Variants in CPLANE1 observed in about 807,000 individuals in gnomAD.
CPLANE1 encodes ciliogenesis and planar polarity effector complex subunit 1, also known as ciliogenesis and planar polarity effector 1.
CPLANE1 carries 263 observed loss-of-function variants against 362.5 expected under a neutral mutation model. The ratio of observed to expected loss-of-function variants is 0.73; its 90% CI spans 0.66 to 0.80. The LOEUF is 0.80. CPLANE1 is among the 30% of genes least tolerant of loss of function. CPLANE1 has a pLI of 0.00. For synonymous variants in CPLANE1, 1,212 were observed against 1,302.6 expected (o/e 0.93, Z 1.50); for missense variants, 3,461 against 3,793.4 (o/e 0.91, Z 2.30).
At chr5:37,101,945 T>C (rs1016923221), downstream of CPLANE1, among the ~76,000 whole-genome samples, 4 of 152,202 alleles carry the variant, frequency 2.6e-5, no homozygotes, top group African/African-American at 9.6e-5. Context: ...TCAGTGGTGA[T>C]ATCCCCCTTA....
chr5:37,211,010 TCAGA>T (rs1490237377), intron 16 of CPLANE1: 16 of 796,780 alleles, frequency 2.0e-5, no homozygotes, highest in African/African-American at 3.4e-5. Context: ...TGAAGCAAAC[TCAGA>T]CAGCCCTAGA....
chr5:37,192,143 A>T (rs1222684322), intron 21 of CPLANE1, among the ~76,000 whole-genome samples: 1 of 152,180 alleles, frequency 6.6e-6, no homozygotes, highest in Non-Finnish European at 1.5e-5. Flanking sequence ...AGATATGTTT[A>T]TATATACAAA....
Position 37,169,377 on chromosome 5 carries a change from G to C in CPLANE1, c.6647C>G (p.Ala2216Gly), listed in dbSNP as rs749403465. ...GCCATCACCAGGACTAAATGTTTTT[G>C]CATGTGGGATAAGTCTAGGTGCCTT... ...VQKAPRLIPH[A>G]KTFSPGDGFP... is the part of the protein sequence containing the mutation. The change falls in exon 34 of 53, where the codon GCA (alanine) becomes GGA (glycine). Residue 2216 changes from alanine (A) to glycine (G), a missense_variant. By Grantham distance (60) the Ala-to-Gly change is moderately conservative. Coordinates refer to ENST00000651892, the MANE Select transcript of CPLANE1 (RefSeq NM_001384732.1). The C allele has an allele frequency of 2.0e-5, 32 of 1,614,020 alleles. No homozygotes were observed. The highest frequency in any genetic ancestry group is 2.5e-5 in the Non-Finnish European group (30 of 1,180,014).
rs777937916 is a variant in CPLANE1 at position 37,107,611 on chromosome 5, C to T, written c.9747G>A (p.Leu3249=). The T allele has an allele frequency of 6.2e-6, 10 of 1,609,420 alleles. No individual in the cohort carries two copies. Among genetic ancestry groups the T allele is most frequent in the Non-Finnish European group, 8.5e-6 (10 of 1,178,482 alleles). The part of the protein sequence containing the change: ...EDQGLSVHWA[L]DL Reference sequence around the variant, plus strand: ...CAATGATATCCAGGTCTTACAGGTCCAGGGCCCAGTGGACAGACAGGCCCT... The same window carrying T: ...CAATGATATCCAGGTCTTACAGGTCTAGGGCCCAGTGGACAGACAGGCCCT... Residue 3249 remains leucine, a synonymous_variant, in exon 53 of 53, where the codon CTG becomes CTA. Coordinates refer to ENST00000651892, the MANE Select transcript of CPLANE1 (RefSeq NM_001384732.1).
chr5:37,118,311 T>TG (rs1273197893), intron 50 of CPLANE1, among the ~76,000 whole-genome samples: 1 of 146,450 alleles, frequency 6.8e-6, no homozygotes, highest in Non-Finnish European at 1.5e-5. Context: ...GAGGCTGAGG[T>TG]GGGAGATGGC....
At chr5:37,205,712 AAATG>A (rs1790521511) in intron 17 of CPLANE1, among the ~76,000 whole-genome samples, 1 of 152,130 alleles carries the variant, frequency 6.6e-6, no homozygotes, top group African/African-American at 2.4e-5. Flanking sequence ...TGTGCTAAAT[AAATG>A]GTTTTTGTTT....
intron 48 of CPLANE1, among the ~76,000 whole-genome samples, 176 bp from the exon 49 acceptor site, chr5:37,121,960 A>C (rs1579894151): frequency 6.6e-6 from 1 of 151,296 alleles, no homozygotes; most frequent in African/African-American, 2.4e-5. Context: ...GCTCACTGCA[A>C]CCTCCGCCTC....
Position 37,165,644 on chromosome 5 carries a change from C to T in CPLANE1, c.7428G>A (p.Leu2476=), listed in dbSNP as rs145750519. 8 of 1,610,828 alleles carry T rather than the reference C, an allele frequency of 5.0e-6. No homozygotes were observed. Among genetic ancestry groups the T allele is most frequent in the Non-Finnish European group, 5.9e-6 (7 of 1,179,376 alleles). ...TCAGTTTCTCACATCTTTTTTCTTG[C>T]AGCTCTTTCTCAGCTCTTCTTCTTT... ...KRQRRRAEKE[L]QEKRCEKLRR... Residue 2476 remains leucine (L), a synonymous_variant, in exon 36 of 53, where the codon CTG becomes CTA. Coordinates refer to ENST00000651892, the MANE Select transcript of CPLANE1 (RefSeq NM_001384732.1).
At chr5:37,234,775 A>C (rs1398655055) in intron 8 of CPLANE1, among the ~76,000 whole-genome samples, 1 of 152,154 alleles carries the variant, frequency 6.6e-6, no homozygotes, top group Non-Finnish European at 1.5e-5. Flanking sequence ...AAAGGGAAAG[A>C]AAGAATTTTA....
intron 16 of CPLANE1, among the ~76,000 whole-genome samples, chr5:37,208,686 C>G (rs1441052755): frequency 2.1e-4 from 26 of 124,852 alleles, no homozygotes; most frequent in African/African-American, 5.9e-4. Context: ...CCCCCCCCCC[C>G]CAAAAAAAAA....
chr5:37,086,297 T>C, the CPLANE1 span, among the ~76,000 whole-genome samples: 516 of 152,332 alleles, frequency 3.4e-3, 2 homozygotes, highest in African/African-American at 0.012. Flanking sequence ...ATATGATTGA[T>C]AGGCCACAAA....
At chr5:37,158,820 G>A (rs562888014) in intron 38 of CPLANE1, among the ~76,000 whole-genome samples, 3 of 143,366 alleles carry the variant, frequency 2.1e-5, no homozygotes, top group East Asian at 2.0e-4. Flanking sequence ...ACAGAGTCTC[G>A]CTCTGTCACC....
the CPLANE1 span, among the ~76,000 whole-genome samples, chr5:37,082,020 G>A: frequency 5.3e-5 from 8 of 151,606 alleles, no homozygotes; most frequent in Non-Finnish European, 1.5e-5. Flanking sequence ...TTGTACCTGG[G>A]AGGCGGAGGT....
chr5:37,116,331 C>T (rs1010893060), intron 50 of CPLANE1, among the ~76,000 whole-genome samples: 2 of 151,574 alleles, frequency 1.3e-5, no homozygotes, highest in Non-Finnish European at 2.9e-5. Flanking sequence ...CTAAAAAATA[C>T]AAAAATTAGT....
chr5:37,180,100 T>A lies in CPLANE1; in HGVS notation c.5654A>T (p.Glu1885Val). 1.3e-5 allele frequency: 21 copies of A among 1,562,664 alleles called. No individual in the cohort carries two copies. The highest frequency in any genetic ancestry group is 1.8e-5 in the Non-Finnish European group (21 of 1,151,152). The change falls in exon 28 of 53, where the codon GAA (glutamate) becomes GTA (valine). Residue 1885 changes from glutamate (E) to valine (V), a missense_variant. By Grantham distance (121) the Glu-to-Val change is moderately radical. Transcript: ENST00000651892. Reference sequence around the variant, plus strand: ...AAGATTCTCATCAATATCTATAAATTCTTTTTTAGTATTATGAGTGATGGA... The same window carrying A: ...AAGATTCTCATCAATATCTATAAATACTTTTTTAGTATTATGAGTGATGGA... Reference protein sequence around the residue: ...IISITHNTKKEFIDIDENLLE... With the variant: ...IISITHNTKKVFIDIDENLLE...
chr5:37,179,330 G>T (rs760930918), intron 29 of CPLANE1, 31 bp downstream of exon 29: 18 of 1,307,520 alleles, frequency 1.4e-5, no homozygotes, highest in East Asian at 9.3e-5. Flanking sequence ...AATGAAAGAA[G>T]AATAATTATA....
chr5:37,131,293 T>C (rs1464502493), intron 46 of CPLANE1, among the ~76,000 whole-genome samples: 1 of 152,148 alleles, frequency 6.6e-6, no homozygotes, highest in Non-Finnish European at 1.5e-5. Context: ...TGCGTGTCAA[T>C]AGGTTGAACT....
At chr5:37,200,748 T>C (rs1210016353) in intron 19 of CPLANE1, among the ~76,000 whole-genome samples, 1 of 152,086 alleles carries the variant, frequency 6.6e-6, no homozygotes, top group African/African-American at 2.4e-5. Flanking sequence ...AGGAATATAG[T>C]ATTTATAATA....
intron 16 of CPLANE1, chr5:37,211,689 C>T: frequency 1.3e-6 from 1 of 784,250 alleles, no homozygotes; most frequent in South Asian, 1.4e-5. Flanking sequence ...CCCGCCATCA[C>T]CCGCTGAGTC....
Sources: gnomAD v4.1 joint callset for allele counts (sites outside exome capture counted in the v4.1 genomes callset) on GRCh38, gnomAD v4.1.1 for gene constraint, MANE v1.5 for transcripts, NCBI Gene and HGNC (gene_info 2026-07-23, HGNC 2026-07-21) for gene names.